Variants in CSMD3 observed in about 807,000 individuals in gnomAD.
CSMD3 encodes the protein CUB and sushi domain-containing protein 3.
In CSMD3, 177 loss-of-function variants were observed where a neutral mutation model predicts 435.2. The ratio of observed to expected loss-of-function variants is 0.41; its 90% CI spans 0.36 to 0.46. The LOEUF (loss-of-function observed/expected upper bound fraction) is 0.46. Among genes scored for constraint, CSMD3 ranks in the 20% least tolerant of loss-of-function variants. The probability of loss-of-function intolerance (pLI) is 0.34; values close to 1 mark genes in which losing one functional copy is unlikely to be tolerated. For missense variants in CSMD3, 4,265 were observed against 4,504.6 expected, an observed-to-expected ratio of 0.95 and a Z score of 1.52; for synonymous variants, 1,656 against 1,520.5, an observed-to-expected ratio of 1.09 and a Z score of -2.07.
intron 1 of CSMD3, among the ~76,000 whole-genome samples, chr8:113,403,102 T>C (rs970478206): frequency 6.6e-6 from 1 of 151,274 alleles, no homozygotes; most frequent in African/African-American, 2.4e-5. Context: ...AAACTAGAAA[T>C]GAATTGGATT....
intron 5 of CSMD3, among the ~76,000 whole-genome samples, chr8:113,058,867 A>C (rs2088472692): frequency 6.6e-6 from 1 of 152,034 alleles, no homozygotes; most frequent in Non-Finnish European, 1.5e-5. Context: ...CTACTAAAAA[A>C]ACCCACACAA....
At chr8:113,123,260 C>A (rs1377369610) in intron 4 of CSMD3, among the ~76,000 whole-genome samples, 1 of 152,028 alleles carries the variant, frequency 6.6e-6, no homozygotes, top group Non-Finnish European at 1.5e-5. Flanking sequence ...TACTGGTTCC[C>A]TCATTAATTA....
At chr8:112,794,587 G>A (rs6990476) in intron 13 of CSMD3, among the ~76,000 whole-genome samples, 67,870 of 151,766 alleles carry the variant, frequency 0.45, 16,257 homozygotes, top group Non-Finnish European at 0.52. Context: ...GAGCCACTGC[G>A]TCCAGCCTGG....
intron 11 of CSMD3, among the ~76,000 whole-genome samples, chr8:112,843,094 AAG>A (rs2080226814): frequency 6.6e-6 from 1 of 151,848 alleles, no homozygotes. Flanking sequence ...TCTATCCAAA[AAG>A]AGAGATTTTA....
intron 6 of CSMD3, among the ~76,000 whole-genome samples, chr8:113,011,244 CTAAACACAGT>C (rs2086244895): frequency 6.6e-6 from 1 of 151,670 alleles, no homozygotes; most frequent in Non-Finnish European, 1.5e-5. Context: ...TACCCCAATT[CTAAACACAGT>C]TATATGGATT....
intron 4 of CSMD3, among the ~76,000 whole-genome samples, chr8:113,121,109 A>C (rs2090972766): frequency 6.6e-6 from 1 of 152,094 alleles, no homozygotes; most frequent in African/African-American, 2.4e-5. Context: ...TTATGTTTCC[A>C]AATCAATTTA....
chr8:112,883,192 G>A (rs2081496115), intron 10 of CSMD3, among the ~76,000 whole-genome samples: 1 of 151,916 alleles, frequency 6.6e-6, no homozygotes, highest in Non-Finnish European at 1.5e-5. Context: ...AAGAGAAACT[G>A]AGAATTTGGA....
chr8:112,482,174 G>A (rs892485542), intron 31 of CSMD3, among the ~76,000 whole-genome samples: 3 of 152,096 alleles, frequency 2.0e-5, no homozygotes, highest in African/African-American at 7.2e-5. Flanking sequence ...TCATCCCTCA[G>A]TGCTCTGTGA....
intron 45 of CSMD3, among the ~76,000 whole-genome samples, chr8:112,333,205 T>C (rs1000533571): frequency 1.3e-5 from 2 of 152,188 alleles, no homozygotes. Context: ...TTCACTCTTG[T>C]TGCCCACGCT....
In CSMD3 at chr8:112,580,364, C is replaced by T. The variant is rs147692381; in HGVS notation, c.3885+6702G>A. On this transcript the variant is annotated intron_variant, in intron 23 of 70. Coordinates refer to ENST00000297405, the MANE Select transcript of CSMD3 (RefSeq NM_198123.2). ...AGAAACATTCCCTAGATGAGTTAAG[C>T]GGAGAACAAATTAGTTAGGTTCTGA... Among the ~76,000 whole-genome samples the T allele has an allele frequency of 1.2e-3, 177 of 151,908 alleles. 1 individual carries two copies. The highest frequency in any genetic ancestry group is 4.1e-3 in the African/African-American group (168 of 41,468).
intron 4 of CSMD3, among the ~76,000 whole-genome samples, chr8:113,163,383 A>G (rs2092082848): frequency 6.6e-6 from 1 of 152,088 alleles, no homozygotes; most frequent in African/African-American, 2.4e-5. Flanking sequence ...TGTGTGTGTG[A>G]GAAATGCAAT....
Position 112,898,657 on chromosome 8 carries a change from A to C in CSMD3, c.1633+22970T>G, listed in dbSNP as rs142413051. ...ATTAAAATAAAATAAAATTCAAAAC[A>C]TAACAAATATATATATGCATGTATA... On this transcript the variant is annotated intron_variant, in intron 10 of 70. Transcript: ENST00000297405. Among the ~76,000 whole-genome samples, 88 of 151,448 alleles carry C rather than the reference A, an allele frequency of 5.8e-4. 1 individual carries two copies. The East Asian group carries it at 0.015, about 27-fold the overall frequency.
intron 11 of CSMD3, among the ~76,000 whole-genome samples, chr8:112,833,525 AT>A (rs1043717772): frequency 6.6e-6 from 1 of 152,072 alleles, no homozygotes; most frequent in African/African-American, 2.4e-5. Flanking sequence ...CATAGCAAGC[AT>A]GTCTTCTGTA....
intron 17 of CSMD3, among the ~76,000 whole-genome samples, chr8:112,657,668 TG>T (rs1206318878): frequency 6.6e-6 from 1 of 152,216 alleles, no homozygotes; most frequent in Non-Finnish European, 1.5e-5. Flanking sequence ...AATGTTTATG[TG>T]AACTCATGGA....
intron 3 of CSMD3, among the ~76,000 whole-genome samples, chr8:113,197,608 A>G (rs2092672617): frequency 6.6e-6 from 1 of 151,280 alleles, no homozygotes; most frequent in Admixed American, 6.6e-5. Flanking sequence ...AAACTTTATA[A>G]TAAATTATGA....
intron 4 of CSMD3, among the ~76,000 whole-genome samples, chr8:113,157,961 G>T (rs1234752193): frequency 2.0e-5 from 3 of 151,818 alleles, no homozygotes; most frequent in Non-Finnish European, 4.4e-5. Context: ...CGATTCTTTA[G>T]GATATACTTA....
intron 10 of CSMD3, among the ~76,000 whole-genome samples, chr8:112,895,133 A>G (rs778939053): frequency 2.6e-5 from 4 of 151,414 alleles, no homozygotes; most frequent in Non-Finnish European, 5.9e-5. Flanking sequence ...GTCTGGTGAT[A>G]TAACAGTCAA....
At chr8:113,376,127 A>T (rs67716310) in intron 1 of CSMD3, among the ~76,000 whole-genome samples, 14,941 of 152,170 alleles carry the variant, frequency 0.098, 851 homozygotes, top group Middle Eastern at 0.16. Flanking sequence ...ATGAATCTGG[A>T]CATTTATAAA....
intron 45 of CSMD3, among the ~76,000 whole-genome samples, chr8:112,328,158 T>C (rs1325476318): frequency 6.6e-6 from 1 of 152,184 alleles, no homozygotes; most frequent in African/African-American, 2.4e-5. Context: ...TCAGTGCTCA[T>C]CCAGATTAGT....
Sources: gnomAD v4.1 joint callset for allele counts (sites outside exome capture counted in the v4.1 genomes callset) on GRCh38, gnomAD v4.1.1 for gene constraint, MANE v1.5 for transcripts, NCBI Gene and HGNC (gene_info 2026-07-23, HGNC 2026-07-21) for gene names.